Variants in NFIB observed in about 807,000 individuals in gnomAD.
NFIB encodes nuclear factor 1 B-type.
A neutral mutation model predicts 61.5 loss-of-function variants in NFIB; 11 were observed. The observed-to-expected ratio is 0.18, with a 90% CI of 0.11 to 0.30. The LOEUF is 0.30. NFIB is among the 10% of genes least tolerant of loss of function. The pLI is 1.00. For synonymous variants in NFIB, 260 were observed against 216.5 expected, an observed-to-expected ratio of 1.20 and a Z score of -1.76; for missense variants, 471 against 608.9, an observed-to-expected ratio of 0.77 and a Z score of 2.38.
chr9:14,109,143 T>C (rs2036979419), intron 10 of NFIB, among the ~76,000 whole-genome samples: 1 of 152,032 alleles, frequency 6.6e-6, no homozygotes, highest in East Asian at 1.9e-4. Flanking sequence ...GATAAGAAAC[T>C]GGTGCTAATT....
rs77508000 is a variant in NFIB at position 14,123,989 on chromosome 9, G to A, written c.1060+1643C>T. ...TTCCAGGTATCTAAACCTTCTTCAG[G>A]TTATCTAGTCATGTTCAGATTAGAT... On this transcript the variant is annotated intron_variant, in intron 7 of 10. Coordinates refer to ENST00000380953, the MANE Select transcript of NFIB (RefSeq NM_001190737.2). Among the ~76,000 whole-genome samples, 114 of 152,004 alleles carry A rather than the reference G, an allele frequency of 7.5e-4. 2 individuals are homozygous for A. The Middle Eastern group carries it at 0.024, about 32-fold the overall frequency.
intron 10 of NFIB, among the ~76,000 whole-genome samples, chr9:14,098,529 A>G (rs2035236215): frequency 6.6e-6 from 1 of 152,236 alleles, no homozygotes; most frequent in African/African-American, 2.4e-5. Flanking sequence ...AAAGCCAGCC[A>G]GTCAGGGAGT....
At chr9:14,242,455 T>C (rs1190904191) in intron 2 of NFIB, among the ~76,000 whole-genome samples, 1 of 152,184 alleles carries the variant, frequency 6.6e-6, no homozygotes, top group African/African-American at 2.4e-5. Flanking sequence ...GGCATCATGA[T>C]CTCTCCCCTT....
chr9:14,391,744 T>G (rs2061625460), intron 1 of NFIB, among the ~76,000 whole-genome samples: 1 of 152,146 alleles, frequency 6.6e-6, no homozygotes, highest in Non-Finnish European at 1.5e-5. Context: ...ACACAGACCC[T>G]GGAACCATGC....
chr9:14,140,895 G>A (rs768448370), intron 6 of NFIB, among the ~76,000 whole-genome samples: 25 of 152,214 alleles, frequency 1.6e-4, no homozygotes, highest in Middle Eastern at 3.4e-3. Flanking sequence ...TGATCGTGCC[G>A]CTGCACTCCA....
At chr9:14,432,145 C>T in the NFIB span, among the ~76,000 whole-genome samples, 1 of 152,202 alleles carries the variant, frequency 6.6e-6, no homozygotes, top group African/African-American at 2.4e-5. Context: ...GGACACCTGA[C>T]CAAAGGTAAG....
chr9:14,238,111 T>A (rs564083385), intron 2 of NFIB, among the ~76,000 whole-genome samples: 12 of 152,026 alleles, frequency 7.9e-5, no homozygotes, highest in African/African-American at 2.9e-4. Context: ...TGGGGGCACA[T>A]GTAATTTAAG....
chr9:14,250,405 A>C (rs910195393), intron 2 of NFIB, among the ~76,000 whole-genome samples: 3 of 152,230 alleles, frequency 2.0e-5, no homozygotes, highest in African/African-American at 7.2e-5. Flanking sequence ...ATCAAAGAGG[A>C]GGCAGAATTA....
intron 2 of NFIB, among the ~76,000 whole-genome samples, chr9:14,286,756 A>G (rs1158189625): frequency 6.6e-6 from 1 of 151,356 alleles, no homozygotes; most frequent in Non-Finnish European, 1.5e-5. Context: ...GATACATAGT[A>G]GGTGCTCAGT....
At chr9:14,299,537 A>G (rs896419550) in intron 2 of NFIB, among the ~76,000 whole-genome samples, 8 of 152,316 alleles carry the variant, frequency 5.3e-5, no homozygotes, top group African/African-American at 1.7e-4. Flanking sequence ...TTTATTTCGC[A>G]CTTGTTTAAA....
intron 2 of NFIB, among the ~76,000 whole-genome samples, chr9:14,218,966 A>G (rs2051293917): frequency 6.6e-6 from 1 of 152,116 alleles, no homozygotes; most frequent in South Asian, 2.1e-4. Flanking sequence ...CATTCCTCTC[A>G]TGGTCTCCTT....
At chr9:14,159,602 G>A (rs534761153) in intron 3 of NFIB, among the ~76,000 whole-genome samples, 4 of 152,288 alleles carry the variant, frequency 2.6e-5, no homozygotes, top group African/African-American at 7.2e-5. Context: ...CCTTTGTAAC[G>A]GACAGGCATT....
In NFIB at chr9:14,082,151, C is replaced by T. The variant is rs2032041739; in HGVS notation, c.*6158G>A. ...TGAACTCTAGAAATTAAGTAACTGT[C>T]GTATAATACATCCTACTGCTAAAGG... is the stretch of plus-strand genomic sequence containing the variant. On this transcript the variant is annotated 3_prime_UTR_variant, in exon 11 of 11. Coordinates refer to ENST00000380953, the MANE Select transcript of NFIB (RefSeq NM_001190737.2). The T allele has an allele frequency of 9.7e-6, 2 of 206,128 alleles. No individual in the cohort carries two copies. The highest frequency in any genetic ancestry group is 1.9e-4 in the South Asian group (1 of 5,272). The allele number at this position is 206,128 out of a possible 1,614,324, so 12.8% of individuals were successfully genotyped here.
chr9:14,506,301 T>C, the NFIB span, among the ~76,000 whole-genome samples: 3 of 152,106 alleles, frequency 2.0e-5, no homozygotes, highest in African/African-American at 7.2e-5. Flanking sequence ...CTGAAATGCA[T>C]GGACCTGCCA....
upstream of NFIB, among the ~76,000 whole-genome samples, chr9:14,399,760 GT>G (rs1402375771): frequency 1.3e-5 from 2 of 152,112 alleles, no homozygotes; most frequent in Admixed American, 6.6e-5. Flanking sequence ...TTCAGTGAGA[GT>G]TGTTTAAAAG....
intron 8 of NFIB, 127 bp from the exon 9 acceptor site, chr9:14,116,473 T>C: frequency 2.0e-6 from 2 of 996,674 alleles, no homozygotes; most frequent in East Asian, 3.2e-5. Context: ...ACAGGCCCTC[T>C]CGAGTCGGAG....
chr9:14,266,081 C>A (rs1588023379), intron 2 of NFIB, among the ~76,000 whole-genome samples: 2 of 152,100 alleles, frequency 1.3e-5, no homozygotes, highest in Non-Finnish European at 2.9e-5. Context: ...GGTTCCTCTC[C>A]CGTACTCACT....
At chr9:14,343,174 T>C (rs1003810453) in intron 1 of NFIB, among the ~76,000 whole-genome samples, 3 of 152,320 alleles carry the variant, frequency 2.0e-5, no homozygotes, top group Middle Eastern at 3.4e-3. Flanking sequence ...CACAATCTTC[T>C]GACAGTTGAA....
At chr9:14,315,255 C>G (rs2060487333), upstream of NFIB, among the ~76,000 whole-genome samples, 1 of 151,534 alleles carries the variant, frequency 6.6e-6, no homozygotes, top group South Asian at 2.1e-4. Context: ...GGCCCGCACC[C>G]GAGGCAGTCG....
Sources: allele counts gnomAD v4.1 joint callset (sites outside exome capture counted in the v4.1 genomes callset), GRCh38; gene constraint gnomAD v4.1.1; transcripts MANE v1.5; gene names NCBI Gene and HGNC (gene_info 2026-07-23, HGNC 2026-07-21).